The following CBLB variants were observed in gnomAD, a reference collection of about 807,000 sequenced individuals.
The protein encoded by CBLB is E3 ubiquitin-protein ligase CBL-B.
Under a neutral mutation model 104.9 loss-of-function variants are expected in CBLB, and 31 were observed. The ratio of observed to expected loss-of-function variants is 0.30; its 90% CI spans 0.22 to 0.40. CBLB has a LOEUF of 0.40. CBLB is among the 10% of genes least tolerant of loss of function. The pLI, the probability that CBLB is intolerant of heterozygous loss-of-function variation, is 1.00. For synonymous variants in CBLB, 440 were observed against 422.6 expected (o/e 1.04, Z -0.51); for missense variants, 1,062 against 1,214.6 (o/e 0.87, Z 1.87).
intron 3 of CBLB, among the ~76,000 whole-genome samples, chr3:105,834,699 G>T (rs548860559): frequency 6.6e-6 from 1 of 152,080 alleles, no homozygotes; most frequent in South Asian, 2.1e-4. Flanking sequence ...CATGACAGAA[G>T]TCAAAATCAA....
At chr3:105,777,237 C>T (rs1192868528) in intron 3 of CBLB, among the ~76,000 whole-genome samples, 1 of 152,170 alleles carries the variant, frequency 6.6e-6, no homozygotes, top group African/African-American at 2.4e-5. Context: ...GCCACTCCTA[C>T]CTAAATATCA....
At chr3:105,810,287 T>C (rs1353624643) in intron 3 of CBLB, among the ~76,000 whole-genome samples, 2 of 152,216 alleles carry the variant, frequency 1.3e-5, no homozygotes, top group South Asian at 2.1e-4. Context: ...TACTATAGCA[T>C]GCTGTTACTA....
chr3:105,696,722 G>T (rs1242570142), intron 12 of CBLB, among the ~76,000 whole-genome samples: 2 of 151,742 alleles, frequency 1.3e-5, no homozygotes, highest in Non-Finnish European at 3.0e-5. Flanking sequence ...TGCCAGAAAA[G>T]AAAACTTTAA....
intron 6 of CBLB, among the ~76,000 whole-genome samples, chr3:105,741,562 A>T (rs2075587587): frequency 6.6e-6 from 1 of 151,896 alleles, no homozygotes; most frequent in Non-Finnish European, 1.5e-5. Flanking sequence ...CACCCAGCTA[A>T]TTTTTTTGTA....
Position 105,658,765 on chromosome 3 carries a change from T to C in CBLB, c.*205A>G, listed in dbSNP as rs1576057733. ...TCAGTTCAACCCTGATTTAAAAATA[T>C]GGCTAGCAAAAACAAGGAAGCCACA... On this transcript the variant is annotated 3_prime_UTR_variant, in exon 19 of 19. Coordinates refer to ENST00000394030, the MANE Select transcript of CBLB (RefSeq NM_170662.5). 1.4e-5 allele frequency: 8 copies of C among 588,038 alleles called. No individual in the cohort carries two copies. Among genetic ancestry groups the C allele is most frequent in the Non-Finnish European group, 2.4e-5 (8 of 333,450 alleles). The allele number at this position is 588,038 out of a possible 1,614,324, so 36.4% of individuals were successfully genotyped here. A position where few individuals can be genotyped will look rare whatever the true frequency, so the allele number is the denominator to read the frequency against.
At chr3:105,780,439 T>A (rs1255945259) in intron 3 of CBLB, among the ~76,000 whole-genome samples, 3 of 151,932 alleles carry the variant, frequency 2.0e-5, no homozygotes, top group Non-Finnish European at 4.4e-5. Context: ...CCCAAACAAC[T>A]AACTAAATAA....
At chr3:105,664,396 T>C (rs1354215205) in intron 18 of CBLB, among the ~76,000 whole-genome samples, 1 of 152,210 alleles carries the variant, frequency 6.6e-6, no homozygotes, top group South Asian at 2.1e-4. Flanking sequence ...AAAATACTTA[T>C]AATACTCCTA....
intron 3 of CBLB, among the ~76,000 whole-genome samples, chr3:105,791,986 G>GA (rs1167121685): frequency 4.6e-5 from 7 of 152,160 alleles, no homozygotes; most frequent in Non-Finnish European, 8.8e-5. Flanking sequence ...ACGGAGTGGT[G>GA]AATCTTAATT....
intron 10 of CBLB, among the ~76,000 whole-genome samples, chr3:105,714,484 G>T (rs1576550076): frequency 6.6e-6 from 1 of 152,258 alleles, no homozygotes; most frequent in South Asian, 2.1e-4. Flanking sequence ...GACAGTGACA[G>T]ATCATCAGGC....
chr3:105,859,041 T>G (rs144999661), intron 2 of CBLB, among the ~76,000 whole-genome samples: 62 of 152,288 alleles, frequency 4.1e-4, no homozygotes, highest in Middle Eastern at 3.4e-3. Context: ...CTATAAGAAT[T>G]TTCAAAGTCA....
chr3:105,701,763 C>CAAA (rs60481562), intron 12 of CBLB, among the ~76,000 whole-genome samples: 2 of 138,752 alleles, frequency 1.4e-5, no homozygotes, highest in East Asian at 2.1e-4. Context: ...GGCTTCGTCT[C>CAAA]AAAAAAAAAA....
intron 3 of CBLB, among the ~76,000 whole-genome samples, chr3:105,847,993 C>T (rs1273386816): frequency 6.6e-6 from 1 of 152,028 alleles, no homozygotes; most frequent in East Asian, 1.9e-4. Flanking sequence ...GACTTCTCCA[C>T]ATGTTCTTTA....
rs377118360 is a variant in CBLB, at chr3:105,720,103, C to T, written c.1351G>A (p.Asp451Asn). The T allele has an allele frequency of 6.8e-6, 11 of 1,613,898 alleles. No homozygotes were observed. The highest frequency in any genetic ancestry group is 8.5e-6 in the Non-Finnish European group (10 of 1,179,948). ...AAGGACTCCTCACGATCATCATCGT[C>T]GTCCAAGTCTAGCATCGGCATGCCA... ...PFGMPMLDLD[D>N]DDDREESLMM... The change falls in exon 10 of 19, where the codon GAC becomes AAC. Residue 451 changes from aspartate to asparagine, a missense_variant. Physicochemically the swap from Asp to Asn is conservative, Grantham distance 23 (BLOSUM62 1). Around this residue, in one of 2 missense-constraint regions of CBLB, gnomAD observed 457 missense variants for 632.0 expected, o/e 0.72. Coordinates refer to ENST00000394030, the MANE Select transcript of CBLB (RefSeq NM_170662.5).
chr3:105,701,689 G>A (rs2069132427), intron 12 of CBLB, among the ~76,000 whole-genome samples: 1 of 152,102 alleles, frequency 6.6e-6, no homozygotes, highest in African/African-American at 2.4e-5. Context: ...CTTGAACCTG[G>A]GAGGCAGAGG....
intron 3 of CBLB, among the ~76,000 whole-genome samples, chr3:105,826,678 TGG>T (rs2086627994): frequency 6.6e-6 from 1 of 152,180 alleles, no homozygotes; most frequent in Non-Finnish European, 1.5e-5. Flanking sequence ...TACCTGCTGC[TGG>T]GGTCAGAAGA....
intron 4 of CBLB, among the ~76,000 whole-genome samples, chr3:105,766,613 T>C (rs75771011): frequency 0.021 from 3,218 of 152,128 alleles, 100 homozygotes; most frequent in African/African-American, 0.073. Flanking sequence ...GCTCAGCTGA[T>C]TGTTAGCATT....
rs138800026 is a variant in CBLB, at chr3:105,660,270, C to T, written c.2690-1041G>A. Among the ~76,000 whole-genome samples the T allele has an allele frequency of 3.8e-3, 582 of 152,232 alleles. 4 individuals are homozygous for T. The highest frequency in any genetic ancestry group is 0.013 in the African/African-American group (554 of 41,538). On this transcript the variant is annotated intron_variant, in intron 18 of 18. Coordinates refer to ENST00000394030, the MANE Select transcript of CBLB (RefSeq NM_170662.5). ...CGTAGTCTCAGCTCACTGCAACCTC[C>T]ACCTCCCGAGTTCAAGCAATTCTAC...
At chr3:105,729,480 C>T (rs140310983) in intron 9 of CBLB, among the ~76,000 whole-genome samples, 2 of 152,146 alleles carry the variant, frequency 1.3e-5, no homozygotes, top group African/African-American at 4.8e-5. Context: ...CACAGTTAAG[C>T]TTGCAAATTT....
chr3:105,744,760 T>C (rs2075942843), intron 6 of CBLB, among the ~76,000 whole-genome samples: 1 of 151,930 alleles, frequency 6.6e-6, no homozygotes, highest in Admixed American at 6.6e-5. Flanking sequence ...TGAAACCCCA[T>C]CTCTACTAAA....
Sources: gnomAD v4.1 joint callset for allele counts (sites outside exome capture counted in the v4.1 genomes callset) on GRCh38, gnomAD v4.1.1 for gene constraint, gnomAD v4.1.1 regional missense constraint, MANE v1.5 for transcripts, NCBI Gene and HGNC (gene_info 2026-07-23, HGNC 2026-07-21) for gene names.